Variants in CDK18 observed in about 807,000 individuals in gnomAD.
The protein encoded by CDK18 is cyclin dependent kinase 18.
CDK18 carries 52 observed loss-of-function variants against 62.0 expected under a neutral mutation model. That is an observed-to-expected ratio of 0.84 (90% CI 0.67 to 1.06). The LOEUF is 1.06. Ranked by LOEUF, CDK18 falls within the 50% of genes least tolerant of loss-of-function variation. The pLI is 0.00. For missense variants in CDK18, 604 were observed against 619.9 expected, an observed-to-expected ratio of 0.97 and a Z score of 0.27; for synonymous variants, 237 against 247.0, an observed-to-expected ratio of 0.96 and a Z score of 0.38.
At chr1:205,521,458 C>A (rs765077693) in intron 1 of CDK18, among the ~76,000 whole-genome samples, 1 of 152,228 alleles carries the variant, frequency 6.6e-6, no homozygotes, top group Non-Finnish European at 1.5e-5. Flanking sequence ...AAGTAATGCA[C>A]CTGCCTCAGC....
At chr1:205,523,447 G>A (rs747216878) in intron 2 of CDK18, 36 bp from the exon 3 acceptor site, 1 of 1,597,988 alleles carries the variant, frequency 6.3e-7, no homozygotes, top group African/African-American at 1.3e-5. Flanking sequence ...TCAGGACAGA[G>A]AGGCAGGGAG....
chr1:205,509,531 G>C (rs1667468355), intron 1 of CDK18, among the ~76,000 whole-genome samples: 1 of 152,116 alleles, frequency 6.6e-6, no homozygotes. Flanking sequence ...TGCTCACCCA[G>C]GTTTCAGTTT....
chr1:205,526,042 G>T (rs1180729306), intron 5 of CDK18, 23 bp from the exon 6 acceptor site: 1 of 1,576,922 alleles, frequency 6.3e-7, no homozygotes, highest in Admixed American at 1.7e-5. Flanking sequence ...TGCGCCTGGG[G>T]CCGCTGTGGC....
chr1:205,524,978 C>G (rs1668347918), intron 4 of CDK18, among the ~76,000 whole-genome samples, 161 bp from the exon 5 acceptor site: 1 of 152,204 alleles, frequency 6.6e-6, no homozygotes, highest in Admixed American at 6.5e-5. Flanking sequence ...CTCACACTTT[C>G]ACGAGCTCTG....
Position 205,526,153 on chromosome 1 carries a change from G to T in CDK18, c.545G>T (p.Gly182Val), listed in dbSNP as rs1321513410. ...LKEIRLEHEE[G>V]APCTAIREVS... Reference sequence around the variant, plus strand: ...GAGATCCGGCTGGAGCACGAGGAGGGAGCGCCCTGCACTGCCATCCGAGAG... The same window carrying T: ...GAGATCCGGCTGGAGCACGAGGAGGTAGCGCCCTGCACTGCCATCCGAGAG... The change falls in exon 6 of 16, where the codon GGA (glycine) becomes GTA (valine). Residue 182 changes from glycine (G) to valine (V), a missense_variant. Coordinates refer to ENST00000429964, the MANE Select transcript of CDK18 (RefSeq NM_212502.3). The T allele has an allele frequency of 6.2e-7, 1 of 1,614,010 alleles. No individual in the cohort carries two copies. The highest frequency in any genetic ancestry group is 8.5e-7 in the Non-Finnish European group (1 of 1,179,916).
Position 205,528,854 on chromosome 1 carries a change from C to T in CDK18, c.975-145C>T, listed in dbSNP as rs1032698587. ...GGGGGCTGGGCAGTTCTAGGAGCCT[C>T]CACTGCCCTGGGCCACCCCTCCGCC... On this transcript the variant is annotated intron_variant, in intron 10 of 15. Coordinates refer to ENST00000429964, the MANE Select transcript of CDK18 (RefSeq NM_212502.3). This position sits in a 1 kb window ranked among gnomAD's most constrained non-coding sequence, Gnocchi z 4.2. 25 of 589,484 alleles carry T rather than the reference C, an allele frequency of 4.2e-5. No homozygotes were observed. Among genetic ancestry groups the T allele is most frequent in the Non-Finnish European group, 7.3e-5 (24 of 329,452 alleles). The allele number at this position is 589,484 out of a possible 1,614,324, so 36.5% of individuals were successfully genotyped here.
At chr1:205,515,367 G>A in intron 1 of CDK18, among the ~76,000 whole-genome samples, 1 of 151,972 alleles carries the variant, frequency 6.6e-6, no homozygotes, top group East Asian at 1.9e-4. Context: ...AGTAGAGACA[G>A]GGTTTCACCA....
intron 4 of CDK18, 96 bp downstream of exon 4, chr1:205,524,453 A>G: frequency 2.1e-6 from 3 of 1,460,714 alleles, no homozygotes; most frequent in Non-Finnish European, 2.8e-6. Context: ...TGGGATTTCG[A>G]GGAAGATTCC....
Position 205,527,026 on chromosome 1 carries a change from GAC to G in CDK18, c.729+196_729+197del, listed in dbSNP as rs150207562. On this transcript the variant is annotated intron_variant, in intron 8 of 15. Transcript: ENST00000429964. This position sits in a 1 kb window ranked among gnomAD's most constrained non-coding sequence, Gnocchi z 4.1. Reference sequence around the variant, plus strand: ...GGTTGAGCGCTTTACCCCAAGAACAGACACACACTGTCTGCCACTGTCTAGCT... The same window carrying G: ...GGTTGAGCGCTTTACCCCAAGAACAGACACACTGTCTGCCACTGTCTAGCT... 6,730 of 598,000 alleles carry G rather than the reference GAC, an allele frequency of 0.011. 290 individuals are homozygous for G. Among genetic ancestry groups the G allele is most frequent in the East Asian group, 0.082 (2,959 of 36,008 alleles). 37.0% of individuals were successfully genotyped at this position (598,000 alleles called of 1,614,324 possible). A position where few individuals can be genotyped will look rare whatever the true frequency, so the allele number is the denominator to read the frequency against.
rs112101670 is a variant in CDK18 at position 205,528,705 on chromosome 1, G to C, written c.975-294G>C. 1.4e-3 allele frequency: 541 copies of C among 377,858 alleles called. 2 individuals are homozygous for C. The highest frequency in any genetic ancestry group is 0.01 in the African/African-American group (510 of 48,634). The allele number at this position is 377,858 out of a possible 1,614,324, so 23.4% of individuals were successfully genotyped here. ...AGAGTTTGAGACAACACTGCTGAGA[G>C]AATTGCCACATGGGCGCTGGCTGCA... On this transcript the variant is annotated intron_variant, in intron 10 of 15. Transcript: ENST00000429964. This position sits in a 1 kb window ranked among gnomAD's most constrained non-coding sequence, Gnocchi z 4.2.
At chr1:205,513,442 G>A (rs1234049441) in intron 1 of CDK18, among the ~76,000 whole-genome samples, 2 of 152,236 alleles carry the variant, frequency 1.3e-5, no homozygotes, top group African/African-American at 4.8e-5. Flanking sequence ...CTCAGAGAGT[G>A]CAGACCAGCT....
intron 1 of CDK18, among the ~76,000 whole-genome samples, chr1:205,515,102 G>C (rs1667754138): frequency 6.6e-6 from 1 of 152,014 alleles, no homozygotes; most frequent in Non-Finnish European, 1.5e-5. Context: ...AAGAAGACAG[G>C]GATCCAAAAG....
intron 1 of CDK18, among the ~76,000 whole-genome samples, chr1:205,507,678 TG>T (rs1341152035): frequency 1.4e-5 from 2 of 146,282 alleles, no homozygotes; most frequent in African/African-American, 5.0e-5. Flanking sequence ...GCACAGTGCC[TG>T]GCATGTAGCA....
intron 1 of CDK18, among the ~76,000 whole-genome samples, chr1:205,510,342 C>T (rs1488339487): frequency 6.6e-6 from 1 of 152,148 alleles, no homozygotes; most frequent in African/African-American, 2.4e-5. Flanking sequence ...CTGGCAGGAC[C>T]CACTGCCTGG....
Position 205,529,305 on chromosome 1 carries a change from C to A in CDK18, c.1073-19C>A, listed in dbSNP as rs950223516. The A allele has an allele frequency of 6.2e-7, 1 of 1,605,378 alleles. No homozygotes were observed. The highest frequency in any genetic ancestry group is 8.5e-7 in the Non-Finnish European group (1 of 1,173,294). On this transcript the variant is annotated intron_variant, in intron 11 of 15. Coordinates refer to ENST00000429964, the MANE Select transcript of CDK18 (RefSeq NM_212502.3). Reference sequence around the variant, plus strand: ...CTGGGCCTCACGCAGGCCCTCCCCACCCTCTCTCGTCTCCCCAGGGACCCC... The same window carrying A: ...CTGGGCCTCACGCAGGCCCTCCCCAACCTCTCTCGTCTCCCCAGGGACCCC...
intron 1 of CDK18, among the ~76,000 whole-genome samples, chr1:205,512,101 G>T (rs1379306558): frequency 6.6e-6 from 1 of 152,154 alleles, no homozygotes; most frequent in East Asian, 1.9e-4. Context: ...CACACAGGCA[G>T]GGTGCCCAGA....
Position 205,522,953 on chromosome 1 carries a change from AG to A in CDK18, c.-21-192del, listed in dbSNP as rs921867633. On this transcript the variant is annotated intron_variant, in intron 1 of 15. Coordinates refer to ENST00000429964, the MANE Select transcript of CDK18 (RefSeq NM_212502.3). ...GTGCTGAGGGTCACTGGGAGGAAGA[AG>A]GTGACTGGGAAGAAGAGGGTGAACA... is the stretch of plus-strand genomic sequence containing the variant. 2.0e-4 allele frequency: 116 copies of A among 574,976 alleles called. No individual in the cohort carries two copies. In the African/African-American group the frequency reaches 2.1e-3, roughly 11 times the overall value. The allele number at this position is 574,976 out of a possible 1,614,324, so 35.6% of individuals were successfully genotyped here.
At chr1:205,525,221 C>T (rs932408870) in intron 5 of CDK18, 26 bp downstream of exon 5, 7 of 1,578,364 alleles carry the variant, frequency 4.4e-6, no homozygotes, top group Middle Eastern at 1.7e-4. Context: ...TGGTCTTCTC[C>T]GAATAGCCAG....
intron 13 of CDK18, chr1:205,529,949 G>A (rs991208254): frequency 1.1e-4 from 148 of 1,378,348 alleles, no homozygotes; most frequent in Non-Finnish European, 8.8e-5. Context: ...TCGGCACTAC[G>A]CTTCCTGTTA....
Sources: gnomAD v4.1 joint callset for allele counts (sites outside exome capture counted in the v4.1 genomes callset) on GRCh38, gnomAD v4.1.1 for gene constraint, Gnocchi (gnomAD v3.1) non-coding constraint, MANE v1.5 for transcripts, NCBI Gene and HGNC (gene_info 2026-07-23, HGNC 2026-07-21) for gene names.